MNAT1: variants seen among roughly 807,000 people sequenced by gnomAD.
The protein encoded by MNAT1 is MNAT1 component of CDK activating kinase.
Under a neutral mutation model 42.0 loss-of-function variants are expected in MNAT1, and 43 were observed. The observed-to-expected ratio is 1.02, with a 90% CI of 0.80 to 1.32. The LOEUF is 1.32. Among genes scored for constraint, MNAT1 ranks in the 40% most tolerant of loss-of-function variants. The probability of loss-of-function intolerance (pLI) is 0.00; values close to 1 mark genes in which losing one functional copy is unlikely to be tolerated. For synonymous variants in MNAT1, 118 were observed against 120.0 expected (o/e 0.98, Z 0.11); for missense variants, 306 against 350.4 (o/e 0.87, Z 1.01).
intron 1 of MNAT1, among the ~76,000 whole-genome samples, chr14:60,786,313 T>TACTC (rs111853042): frequency 0.95 from 143,888 of 151,860 alleles, 68,433 homozygotes; most frequent in Non-Finnish European, 0.99. Context: ...AAAAATATTT[T>TACTC]AGTACTAATA....
intron 7 of MNAT1, among the ~76,000 whole-genome samples, chr14:60,918,843 G>T (rs1418442071): frequency 1.3e-5 from 2 of 151,426 alleles, no homozygotes; most frequent in Non-Finnish European, 2.9e-5. Context: ...CTGAAATTGG[G>T]TTGTGGTGAT....
rs552561353 is a variant in MNAT1, at chr14:60,854,384, T to C, written c.688-25330T>C. Among the ~76,000 whole-genome samples, 8 of 152,350 alleles carry C rather than the reference T, an allele frequency of 5.3e-5. No individual in the cohort carries two copies. The East Asian group carries it at 1.5e-3, about 29-fold the overall frequency. ...ATCATTTGGAGAAGAAGAGGCATTC[T>C]GGTTTTTGGAATTTTCAGCATTTTT... is the stretch of plus-strand genomic sequence containing the variant. On this transcript the variant is annotated intron_variant, in intron 6 of 7. Transcript: ENST00000261245.
chr14:60,844,489 G>A (rs1478064544), intron 6 of MNAT1, among the ~76,000 whole-genome samples: 2 of 152,016 alleles, frequency 1.3e-5, no homozygotes, highest in Non-Finnish European at 2.9e-5. Flanking sequence ...CAAGGAAATA[G>A]TTATTTCAAA....
At chr14:60,944,486 T>C (rs985323200) in intron 7 of MNAT1, among the ~76,000 whole-genome samples, 1 of 152,216 alleles carries the variant, frequency 6.6e-6, no homozygotes, top group Non-Finnish European at 1.5e-5. Flanking sequence ...CAGGACTTCC[T>C]AGACTCCAGA....
chr14:60,958,634 C>CTTTTTTTTT (rs71114172), intron 7 of MNAT1, among the ~76,000 whole-genome samples: 4 of 93,880 alleles, frequency 4.3e-5, no homozygotes, highest in Non-Finnish European at 7.6e-5. Flanking sequence ...GAGACAAGGT[C>CTTTTTTTTT]TTTTTTTTTT....
intron 7 of MNAT1, among the ~76,000 whole-genome samples, chr14:60,947,265 A>G (rs1329533895): frequency 6.6e-6 from 1 of 152,048 alleles, no homozygotes; most frequent in African/African-American, 2.4e-5. Flanking sequence ...GAACTACTCC[A>G]TTACAGTGGG....
At chr14:60,898,108 T>C (rs1475057509) in intron 7 of MNAT1, among the ~76,000 whole-genome samples, 2 of 36,808 alleles carry the variant, frequency 5.4e-5, no homozygotes, top group Non-Finnish European at 8.3e-5. Flanking sequence ...TGTGTGTGTG[T>C]GTGTGTGTGT....
chr14:60,863,016 C>G (rs2034131229), intron 6 of MNAT1, among the ~76,000 whole-genome samples: 1 of 152,004 alleles, frequency 6.6e-6, no homozygotes, highest in African/African-American at 2.4e-5. Flanking sequence ...AATGTCTCTA[C>G]AAGTCATATT....
chr14:60,849,132 G>A (rs1594800286), intron 6 of MNAT1, among the ~76,000 whole-genome samples: 1 of 152,082 alleles, frequency 6.6e-6, no homozygotes, highest in African/African-American at 2.4e-5. Context: ...TGTTTGTTTT[G>A]GATAGTTTTC....
At chr14:60,891,624 T>G (rs1215784897) in intron 7 of MNAT1, among the ~76,000 whole-genome samples, 1 of 152,154 alleles carries the variant, frequency 6.6e-6, no homozygotes, top group East Asian at 1.9e-4. Context: ...GCTAATTTTT[T>G]GTAGTTTTAG....
At chr14:60,811,494 G>T (rs547087945) in intron 4 of MNAT1, among the ~76,000 whole-genome samples, 2 of 151,790 alleles carry the variant, frequency 1.3e-5, no homozygotes, top group African/African-American at 2.4e-5. Context: ...AGTAGAGACA[G>T]GGTTTCACCA....
chr14:60,748,910 A>G (rs1594721218), intron 1 of MNAT1, among the ~76,000 whole-genome samples: 1 of 152,270 alleles, frequency 6.6e-6, no homozygotes, highest in Non-Finnish European at 1.5e-5. Context: ...GCATAATTGC[A>G]TATGCTATAT....
At chr14:60,832,646 G>A (rs1379570511) in intron 6 of MNAT1, among the ~76,000 whole-genome samples, 1 of 151,868 alleles carries the variant, frequency 6.6e-6, no homozygotes, top group Non-Finnish European at 1.5e-5. Flanking sequence ...GCTTAGGATT[G>A]TCTTGGCTAT....
chr14:60,847,403 CAAA>C (rs77882001), intron 6 of MNAT1, among the ~76,000 whole-genome samples: 6 of 54,590 alleles, frequency 1.1e-4, no homozygotes, highest in Non-Finnish European at 7.8e-5. Flanking sequence ...GACAACGTCT[CAAA>C]AAAAAAAAAA....
intron 7 of MNAT1, among the ~76,000 whole-genome samples, chr14:60,892,151 A>G (rs1323505616): frequency 1.3e-5 from 2 of 152,062 alleles, no homozygotes; most frequent in Non-Finnish European, 2.9e-5. Context: ...AGTGTTCCAT[A>G]TATGTTTTTT....
At chr14:60,776,551 C>T (rs948548297) in intron 1 of MNAT1, among the ~76,000 whole-genome samples, 1 of 151,774 alleles carries the variant, frequency 6.6e-6, no homozygotes, top group African/African-American at 2.4e-5. Flanking sequence ...CCATATAAGC[C>T]AGATGCTGAA....
chr14:60,963,860 A>G (rs1455722784), intron 7 of MNAT1, among the ~76,000 whole-genome samples: 4 of 152,194 alleles, frequency 2.6e-5, no homozygotes, highest in Non-Finnish European at 5.9e-5. Context: ...TCATTTCAAT[A>G]TTAATTCCAA....
intron 6 of MNAT1, among the ~76,000 whole-genome samples, chr14:60,828,947 G>A (rs2033140985): frequency 6.6e-6 from 1 of 152,152 alleles, no homozygotes; most frequent in Non-Finnish European, 1.5e-5. Flanking sequence ...TGCCCTCTCG[G>A]GGTGGGCTAC....
intron 1 of MNAT1, among the ~76,000 whole-genome samples, chr14:60,751,864 A>G (rs1344218154): frequency 1.3e-5 from 2 of 152,090 alleles, no homozygotes; most frequent in Non-Finnish European, 2.9e-5. Flanking sequence ...TTGAAAATCA[A>G]TGAAGCCTCC....
Sources: gnomAD v4.1 joint callset for allele counts (sites outside exome capture counted in the v4.1 genomes callset) on GRCh38, gnomAD v4.1.1 for gene constraint, MANE v1.5 for transcripts, NCBI Gene and HGNC (gene_info 2026-07-23, HGNC 2026-07-21) for gene names.